The following PLCXD1 variants were observed in gnomAD, a reference collection of about 807,000 sequenced individuals.
PLCXD1 encodes phosphatidylinositol specific phospholipase C X domain containing 1.
PLCXD1 carries 45 observed loss-of-function variants against 37.8 expected under a neutral mutation model. The observed-to-expected ratio is 1.19, with a 90% confidence interval of 0.94 to 1.53. The LOEUF is 1.53. Ranked by LOEUF, PLCXD1 falls within the 40% of genes most tolerant of loss-of-function variation. PLCXD1 has a pLI of 0.00. For synonymous variants in PLCXD1, 246 were observed against 206.9 expected, an observed-to-expected ratio of 1.19 and a Z score of -1.62; for missense variants, 539 against 454.7, an observed-to-expected ratio of 1.19 and a Z score of -1.69.
chrX:299,744 G>A lies in PLCXD1; in HGVS notation c.*409G>A, dbSNP rs1411850413. The stretch of plus-strand genomic sequence containing the variant: ...TGCACTCCAGTCTGAATGATAGACC[G>A]AGACTCCATCTCAAAAGAAAAAAAA... On this transcript the variant is annotated 3_prime_UTR_variant, in exon 7 of 7. Coordinates refer to ENST00000381657, the MANE Select transcript of PLCXD1 (RefSeq NM_018390.4). The A allele has an allele frequency of 1.4e-5, 3 of 221,038 alleles. No individual in the cohort carries two copies. Among genetic ancestry groups the A allele is most frequent in the East Asian group, 1.1e-4 (1 of 9,286 alleles). 13.7% of individuals were successfully genotyped at this position (221,038 alleles called of 1,614,324 possible).
At chrX:298,970 C>T (rs1305474718) in intron 6 of PLCXD1, 127 bp from the exon 7 acceptor site, 1 of 752,194 alleles carries the variant, frequency 1.3e-6, no homozygotes, top group African/African-American at 1.7e-5. Flanking sequence ...ACCCAATTTC[C>T]TTGTTGGACA....
intron 2 of PLCXD1, among the ~76,000 whole-genome samples, chrX:285,082 A>G (rs1166616214): frequency 1.3e-5 from 2 of 151,456 alleles, no homozygotes; most frequent in African/African-American, 2.4e-5. Flanking sequence ...ATAGGCACAC[A>G]TGCAGGCACA....
chrX:296,791 G>C (rs2069822706), intron 6 of PLCXD1, among the ~76,000 whole-genome samples: 1 of 151,766 alleles, frequency 6.6e-6, no homozygotes, highest in African/African-American at 2.4e-5. Flanking sequence ...TCTCCCACAT[G>C]GGATTAGGAC....
chrX:279,272 G>T (rs2069212896), upstream of PLCXD1, among the ~76,000 whole-genome samples: 1 of 152,134 alleles, frequency 6.6e-6, no homozygotes, highest in Non-Finnish European at 1.5e-5. Context: ...CTTCTCTGTG[G>T]TTTTTCCTTG....
At chrX:278,568 G>A (rs1269498942), upstream of PLCXD1, among the ~76,000 whole-genome samples, 1 of 151,930 alleles carries the variant, frequency 6.6e-6, no homozygotes, top group Non-Finnish European at 1.5e-5. Context: ...GTGAAACCCT[G>A]TCTCTACTAA....
Position 293,176 on chromosome X carries a change from C to G in PLCXD1, c.691C>G (p.Leu231Val). The change falls in exon 6 of 7, where the codon CTC becomes GTC. Residue 231 changes from leucine (L) to valine (V), a missense_variant. Coordinates refer to ENST00000381657, the MANE Select transcript of PLCXD1 (RefSeq NM_018390.4). ...WWGNRVKTEA[L>V]IRYLETMKSC... ...GGGAAACAGGGTGAAGACCGAGGCC[C>G]TCATCCGATACCTGGAGACCATGAA... 3 of 1,612,668 alleles carry G rather than the reference C, an allele frequency of 1.9e-6. No homozygotes were observed. Among genetic ancestry groups the G allele is most frequent in the Non-Finnish European group, 1.7e-6 (2 of 1,179,734 alleles).
Position 284,333 on chromosome X carries a change from AG to A in PLCXD1, c.127+23del, listed in dbSNP as rs771516457. 8.1e-6 allele frequency: 13 copies of A among 1,611,964 alleles called. No individual in the cohort carries two copies. The South Asian group carries it at 1.4e-4, about 18-fold the overall frequency. ...ATCCCAGGTGAGGTTGGGGTGGGGCAGGGGCCGTTGCCTCTATCCCAGGTGA... is the reference window on the plus strand; with the variant it reads ...ATCCCAGGTGAGGTTGGGGTGGGGCAGGGCCGTTGCCTCTATCCCAGGTGA... On this transcript the variant is annotated intron_variant, in intron 2 of 6. Coordinates refer to ENST00000381657, the MANE Select transcript of PLCXD1 (RefSeq NM_018390.4).
upstream of PLCXD1, among the ~76,000 whole-genome samples, chrX:279,587 C>T (rs933063343): frequency 6.6e-6 from 1 of 152,146 alleles, no homozygotes; most frequent in African/African-American, 2.4e-5. Context: ...GCCTGGCCAA[C>T]ATGGTGAGAC....
intron 1 of PLCXD1, 35 bp from the exon 2 acceptor site, chrX:284,132 C>T (rs1378057179): frequency 1.4e-5 from 23 of 1,587,302 alleles, no homozygotes; most frequent in Admixed American, 1.7e-5. Context: ...CTGAAGTCAC[C>T]GTAAAAAACC....
rs1352138564 is a variant in PLCXD1 at position 293,334 on chromosome X, T to C, written c.733+116T>C. ...TTACGTGAAAACAATTTAAAAGGAA[T>C]CCATGAGCTGGGCGTGGTAATCCCT... On this transcript the variant is annotated intron_variant, in intron 6 of 6. Coordinates refer to ENST00000381657, the MANE Select transcript of PLCXD1 (RefSeq NM_018390.4). 1.6e-5 allele frequency: 13 copies of C among 790,136 alleles called. No individual in the cohort carries two copies. The Admixed American group carries it at 3.1e-4, about 19-fold the overall frequency. The allele number at this position is 790,136 out of a possible 1,614,324, so 48.9% of individuals were successfully genotyped here.
Position 299,153 on chromosome X carries a change from C to T in PLCXD1, c.790C>T (p.His264Tyr). 2 of 1,613,956 alleles carry T rather than the reference C, an allele frequency of 1.2e-6. No homozygotes were observed. The highest frequency in any genetic ancestry group is 1.7e-6 in the Non-Finnish European group (2 of 1,179,868). ...LTENLQYVLA[H>Y]PSESLEKMTL... ...GGAGAACCTGCAGTACGTTCTGGCG[C>T]ACCCGTCCGAGTCCCTGGAGAAGAT... The change falls in exon 7 of 7, where the codon CAC becomes TAC. Residue 264 changes from histidine (H) to tyrosine (Y), a missense_variant. By Grantham distance (83) the His-to-Tyr change is moderately conservative. Coordinates refer to ENST00000381657, the MANE Select transcript of PLCXD1 (RefSeq NM_018390.4).
chrX:287,201 A>G (rs2069472402), intron 2 of PLCXD1, among the ~76,000 whole-genome samples: 1 of 148,524 alleles, frequency 6.7e-6, no homozygotes, highest in Non-Finnish European at 1.5e-5. Context: ...GTAAGTGTAC[A>G]TATTTATATA....
At position 288,835 on chromosome X, in the gene PLCXD1, C is replaced by T. The variant is rs749603595; in HGVS notation, c.230C>T (p.Thr77Met). Reference protein sequence around the residue: ...QLLNKALPCITRPVVLKWSVT... With the variant: ...QLLNKALPCIMRPVVLKWSVT... ...CTGAACAAGGCCTTGCCCTGCATCA[C>T]GCGCCCTGTCGTGCTGAAATGGTCC... Residue 77 changes from threonine to methionine, a missense_variant, in exon 3 of 7, where the codon ACG (threonine) becomes ATG (methionine). Thr to Met is a moderately conservative substitution (Grantham distance 81, BLOSUM62 -1). Transcript: ENST00000381657. 13 of 1,613,434 alleles carry T rather than the reference C, an allele frequency of 8.1e-6. No individual in the cohort carries two copies. The highest frequency in any genetic ancestry group is 2.2e-5 in the East Asian group (1 of 44,892).
intron 2 of PLCXD1, among the ~76,000 whole-genome samples, chrX:286,074 T>A (rs1258968980): frequency 1.3e-5 from 2 of 151,944 alleles, no homozygotes; most frequent in African/African-American, 2.4e-5. Context: ...GGTTAATTTT[T>A]TTTTTTTGAG....
At chrX:289,086 TTTTA>T (rs2069546670) in intron 3 of PLCXD1, among the ~76,000 whole-genome samples, 1 of 151,998 alleles carries the variant, frequency 6.6e-6, no homozygotes, top group African/African-American at 2.4e-5. Context: ...GGAACAGTGT[TTTTA>T]TTTATTTATT....
intron 2 of PLCXD1, among the ~76,000 whole-genome samples, chrX:286,868 G>A (rs1201580130): frequency 2.6e-5 from 4 of 151,940 alleles, no homozygotes; most frequent in Non-Finnish European, 5.9e-5. Flanking sequence ...GTGGGGGTAG[G>A]GGGCAGCAGG....
In PLCXD1 at chrX:299,307, C is replaced by T. The variant is rs144863485; in HGVS notation, c.944C>T (p.Ala315Val). The T allele has an allele frequency of 2.8e-4, 444 of 1,613,664 alleles. 1 individual carries two copies. The highest frequency in any genetic ancestry group is 3.4e-4 in the Non-Finnish European group (397 of 1,179,624). ...GADGFVSDVI[A>V]LNQKLLWC ...GACGGCTTCGTCAGTGACGTCATCG[C>T]GCTCAATCAGAAGCTGCTGTGGTGC... Residue 315 changes from alanine (A) to valine (V), a missense_variant, in exon 7 of 7, where the codon GCG becomes GTG. By Grantham distance (64) the Ala-to-Val change is moderately conservative. Coordinates refer to ENST00000381657, the MANE Select transcript of PLCXD1 (RefSeq NM_018390.4).
chrX:279,385 A>C (rs28515539), upstream of PLCXD1, among the ~76,000 whole-genome samples: 56,915 of 151,840 alleles, frequency 0.37, 12,314 homozygotes, highest in Non-Finnish European at 0.49. Context: ...GACAGGTTCA[A>C]TCGGTGAAGG....
chrX:291,250 A>C (rs781673814), intron 4 of PLCXD1, among the ~76,000 whole-genome samples: 8 of 151,652 alleles, frequency 5.3e-5, no homozygotes, highest in African/African-American at 1.7e-4. Context: ...GGTTCAGGCA[A>C]TTCTCCTGCC....
Sources: gnomAD v4.1 joint callset for allele counts (sites outside exome capture counted in the v4.1 genomes callset) on GRCh38, gnomAD v4.1.1 for gene constraint, MANE v1.5 for transcripts, NCBI Gene and HGNC (gene_info 2026-07-23, HGNC 2026-07-21) for gene names.